Variants in COL5A1 observed in about 807,000 individuals in gnomAD.
COL5A1 encodes collagen type V alpha 1 chain.
A neutral mutation model predicts 263.7 loss-of-function variants in COL5A1; 16 were observed. The observed-to-expected ratio is 0.06, with a 90% CI of 0.04 to 0.09. The LOEUF is 0.09. COL5A1 is among the 10% of genes least tolerant of loss of function. The probability of loss-of-function intolerance (pLI) is 1.00; values close to 1 mark genes in which losing one functional copy is unlikely to be tolerated. For missense variants in COL5A1, 2,036 were observed against 2,540.5 expected, an observed-to-expected ratio of 0.80 and a Z score of 4.27; for synonymous variants, 1,012 against 1,004.5, an observed-to-expected ratio of 1.01 and a Z score of -0.14.
rs1836086371 is a variant in COL5A1, at chr9:134,758,757, G to A, written c.1935+461G>A. ...AGACCAGGTCACGAAAACATGCCAG[G>A]TGTCCCCCTGTTCCCTGTTAATGGG... On this transcript the variant is annotated intron_variant, in intron 18 of 65. Transcript: ENST00000371817. This position sits in a 1 kb window ranked among gnomAD's most constrained non-coding sequence, Gnocchi z 4.1. Among the ~76,000 whole-genome samples, 1 of 152,166 alleles carries A rather than the reference G, an allele frequency of 6.6e-6. No individual in the cohort carries two copies. The highest frequency in any genetic ancestry group is 6.5e-5 in the Admixed American group (1 of 15,280).
At chr9:134,822,885 G>A (rs1839073591) in intron 59 of COL5A1, 113 bp from the exon 60 acceptor site, 1 of 1,163,214 alleles carries the variant, frequency 8.6e-7, no homozygotes, top group Non-Finnish European at 1.3e-6. Flanking sequence ...CTCTTGAGGG[G>A]GATGCGGGTG....
At chr9:134,720,060 G>A (rs974382726) in intron 4 of COL5A1, among the ~76,000 whole-genome samples, 4 of 152,172 alleles carry the variant, frequency 2.6e-5, no homozygotes, top group African/African-American at 9.7e-5. Context: ...GTCTGAGAGG[G>A]CAGCTGCAGC....
At chr9:134,719,644 C>A (rs1382254346) in intron 4 of COL5A1, among the ~76,000 whole-genome samples, 1 of 152,220 alleles carries the variant, frequency 6.6e-6, no homozygotes, top group Non-Finnish European at 1.5e-5. Flanking sequence ...ATGGCCAGGG[C>A]AGGACAGGGG....
intron 2 of COL5A1, among the ~76,000 whole-genome samples, chr9:134,695,181 C>G (rs1462343357): frequency 1.3e-5 from 2 of 152,176 alleles, no homozygotes; most frequent in Admixed American, 6.5e-5. Flanking sequence ...CCTCTTCAGA[C>G]CAGGCCTCTG....
At chr9:134,667,070 G>A (rs1333051796) in intron 1 of COL5A1, among the ~76,000 whole-genome samples, 2 of 152,168 alleles carry the variant, frequency 1.3e-5, no homozygotes, top group Non-Finnish European at 1.5e-5. Context: ...TGACGAGCTT[G>A]TTTTAGAAAA....
chr9:134,731,173 C>A (rs767763196), intron 7 of COL5A1, among the ~76,000 whole-genome samples: 1 of 152,192 alleles, frequency 6.6e-6, no homozygotes, highest in East Asian at 1.9e-4. Context: ...CAGACCCCTG[C>A]GTCTGCAGCA....
chr9:134,738,717 A>C (rs1167744148), intron 10 of COL5A1, 29 bp from the exon 11 acceptor site: 4 of 1,597,706 alleles, frequency 2.5e-6, no homozygotes, highest in East Asian at 2.2e-5. Flanking sequence ...CCCATCTTCT[A>C]ACTGCCCCAA....
Position 134,838,496 on chromosome 9 carries a change from G to A in COL5A1, c.5370+3292G>A, listed in dbSNP as rs1374107656. Among the ~76,000 whole-genome samples, 8 of 152,330 alleles carry A rather than the reference G, an allele frequency of 5.3e-5. No individual in the cohort carries two copies. In the East Asian group the frequency reaches 5.8e-4, roughly 11 times the overall value. ...ACCAAGTGCAGCTGCCGTCCAGACC[G>A]CGCCACCTTCTCAGGCAGTCAGCAG... On this transcript the variant is annotated intron_variant, in intron 65 of 65. Transcript: ENST00000371817.
intron 11 of COL5A1, among the ~76,000 whole-genome samples, chr9:134,743,263 ACTC>A (rs1026345175): frequency 6.6e-6 from 1 of 151,686 alleles, no homozygotes; most frequent in Non-Finnish European, 1.5e-5. Flanking sequence ...CTGTGGCCAA[ACTC>A]CTCCTGAATC....
Position 134,795,096 on chromosome 9 carries a change from G to A in COL5A1, c.2715G>A (p.Lys905=), listed in dbSNP as rs533217850. The change falls in exon 33 of 66, where the codon AAG becomes AAA. Residue 905 remains lysine (K), a synonymous_variant. Coordinates refer to ENST00000371817, the MANE Select transcript of COL5A1 (RefSeq NM_000093.5). ...TCTGATTCTAGGGGACCCCTGGAAA[G>A]CCAGGACCGCGGGGGCAGCGAGGCC... is the stretch of plus-strand genomic sequence containing the variant. ...GEKGGRGTPG[K]PGPRGQRGPT... 1.1e-5 allele frequency: 18 copies of A among 1,614,086 alleles called. No homozygotes were observed. The South Asian group carries it at 1.6e-4, about 15-fold the overall frequency.
In COL5A1 at chr9:134,678,454, G is replaced by A. The variant is rs1017638897; in HGVS notation, c.110-12458G>A. 2.0e-5 allele frequency among the ~76,000 whole-genome samples: 3 copies of A among 152,220 alleles called. No homozygotes were observed. The highest frequency in any genetic ancestry group is 4.8e-5 in the African/African-American group (2 of 41,450). On this transcript the variant is annotated intron_variant, in intron 1 of 65. Transcript: ENST00000371817. This position sits in a 1 kb window ranked among gnomAD's most constrained non-coding sequence, Gnocchi z 5.5. ...GCTCATTGCAGTGGCCTGCCGCCCC[G>A]GTGTGTGTCCCTGACTCAGGGGTCC...
At chr9:134,831,159 C>T (rs945785725) in intron 64 of COL5A1, among the ~76,000 whole-genome samples, 3 of 152,228 alleles carry the variant, frequency 2.0e-5, no homozygotes, top group Non-Finnish European at 4.4e-5. Flanking sequence ...CCCCAGCCTC[C>T]CTGGGTGGAC....
At chr9:134,725,422 T>A (rs1342280721) in intron 4 of COL5A1, among the ~76,000 whole-genome samples, 1 of 152,196 alleles carries the variant, frequency 6.6e-6, no homozygotes, top group African/African-American at 2.4e-5. Flanking sequence ...ATTACTATAA[T>A]CATTACTATA....
intron 59 of COL5A1, among the ~76,000 whole-genome samples, chr9:134,822,751 C>T (rs1250465380): frequency 6.7e-6 from 1 of 148,196 alleles, no homozygotes. Context: ...GCTGGGGTTT[C>T]CTAGCCAGGG....
chr9:134,651,528 A>T (rs962643400), intron 1 of COL5A1, among the ~76,000 whole-genome samples: 3 of 152,182 alleles, frequency 2.0e-5, no homozygotes, highest in Non-Finnish European at 4.4e-5. Flanking sequence ...AAATAAAAAT[A>T]AAAATGTACA....
chr9:134,799,203 G>A (rs952365078), intron 37 of COL5A1, among the ~76,000 whole-genome samples: 3 of 152,216 alleles, frequency 2.0e-5, no homozygotes, highest in Non-Finnish European at 2.9e-5. Flanking sequence ...AGTGTTTTCA[G>A]TTGGGAGAAA....
intron 4 of COL5A1, among the ~76,000 whole-genome samples, chr9:134,722,304 C>T (rs936914455): frequency 3.2e-4 from 49 of 152,298 alleles, no homozygotes; most frequent in African/African-American, 1.1e-3. Context: ...ATCAGAGCGC[C>T]GGGCACCTGG....
At chr9:134,798,188 A>G (rs1391166030) in intron 36 of COL5A1, among the ~76,000 whole-genome samples, 1 of 152,184 alleles carries the variant, frequency 6.6e-6, no homozygotes, top group Non-Finnish European at 1.5e-5. Context: ...AGCACGTCCC[A>G]TGGGGCAGTT....
At chr9:134,823,301 CTGATAG>C (rs1839099371) in intron 60 of COL5A1, 109 bp from the exon 61 acceptor site, 1 of 1,173,790 alleles carries the variant, frequency 8.5e-7, no homozygotes, top group Admixed American at 1.7e-5. Flanking sequence ...TCTGCTGTGG[CTGATAG>C]GGCCACCTCC....
Sources: allele counts gnomAD v4.1 joint callset (sites outside exome capture counted in the v4.1 genomes callset), GRCh38; gene constraint gnomAD v4.1.1; non-coding constraint Gnocchi (gnomAD v3.1); transcripts MANE v1.5; gene names NCBI Gene and HGNC (gene_info 2026-07-23, HGNC 2026-07-21).